Variants in RNF13 observed in about 807,000 individuals in gnomAD.
The protein encoded by RNF13 is E3 ubiquitin-protein ligase RNF13.
RNF13 carries 19 observed loss-of-function variants against 37.7 expected under a neutral mutation model. That is an observed-to-expected ratio of 0.50 (90% CI 0.35 to 0.74). RNF13 has a LOEUF of 0.74. Ranked by LOEUF, RNF13 falls within the 30% of genes least tolerant of loss-of-function variation. RNF13 has a pLI of 0.01. For synonymous variants in RNF13, 144 were observed against 157.8 expected (o/e 0.91, Z 0.65); for missense variants, 375 against 453.0 (o/e 0.83, Z 1.56).
At chr3:149,915,446 G>C (rs1717409249) in intron 7 of RNF13, among the ~76,000 whole-genome samples, 1 of 152,118 alleles carries the variant, frequency 6.6e-6, no homozygotes, top group African/African-American at 2.4e-5. Context: ...AAAGAATACA[G>C]TATGGCAACT....
intron 3 of RNF13, among the ~76,000 whole-genome samples, chr3:149,866,062 T>C (rs1296130193): frequency 6.6e-6 from 1 of 151,774 alleles, no homozygotes; most frequent in African/African-American, 2.4e-5. Flanking sequence ...TTAGACCATA[T>C]AGGGTAATTT....
chr3:149,941,236 A>G (rs1050024040), intron 8 of RNF13, among the ~76,000 whole-genome samples: 7 of 152,096 alleles, frequency 4.6e-5, no homozygotes, highest in Non-Finnish European at 8.8e-5. Flanking sequence ...TTGCTGAATC[A>G]TATTCTAATT....
chr3:149,829,805 A>G (rs946433872), intron 1 of RNF13, among the ~76,000 whole-genome samples: 1 of 152,192 alleles, frequency 6.6e-6, no homozygotes, highest in Non-Finnish European at 1.5e-5. Flanking sequence ...CCCAAATCAC[A>G]TTTCGAATTA....
intron 3 of RNF13, among the ~76,000 whole-genome samples, chr3:149,853,869 C>G (rs1003387962): frequency 7.6e-6 from 1 of 132,084 alleles, no homozygotes; most frequent in Non-Finnish European, 1.6e-5. Context: ...TAGGGTTTCA[C>G]TCTGTTGCCC....
In RNF13 at chr3:149,912,030, A is replaced by G; in HGVS notation, c.553A>G (p.Ile185Val). The change falls in exon 7 of 10, where the codon ATT becomes GTT. Residue 185 changes from isoleucine to valine, a missense_variant. Ile to Val is a conservative substitution (Grantham distance 29). Transcript: ENST00000392894. Reference protein sequence around the residue: ...EFSLPLEYYLIPFLIIVGICL... With the variant: ...EFSLPLEYYLVPFLIIVGICL... ...TAGTCTTCCTTTGGAATACTACCTA[A>G]TTCCCTTCCTTATCATAGTGGGCAT... 6.2e-7 allele frequency: 1 copy of G among 1,602,156 alleles called. No homozygotes were observed. Among genetic ancestry groups the G allele is most frequent in the Non-Finnish European group, 8.5e-7 (1 of 1,170,104 alleles).
At chr3:149,854,115 C>T (rs192482333) in intron 3 of RNF13, among the ~76,000 whole-genome samples, 126 of 152,118 alleles carry the variant, frequency 8.3e-4, no homozygotes, top group Non-Finnish European at 7.8e-4. Context: ...GTATTTCAGG[C>T]ATGAGCCACC....
intron 4 of RNF13, among the ~76,000 whole-genome samples, chr3:149,891,924 GAC>G (rs1332211755): frequency 1.3e-5 from 2 of 152,156 alleles, no homozygotes. Context: ...TAATTTGACT[GAC>G]ACATGAGTTT....
At chr3:149,816,700 A>C (rs558077493) in intron 1 of RNF13, among the ~76,000 whole-genome samples, 2 of 152,338 alleles carry the variant, frequency 1.3e-5, no homozygotes, top group East Asian at 3.9e-4. Flanking sequence ...AGATGGATAC[A>C]GATTATGGAG....
In RNF13 at chr3:149,960,706, ATACTAACTAAAGATG is replaced by A; in HGVS notation, c.782-31_782-17del. ...TAAATATAAAAGTATCAACCGCAGC[ATACTAACTAAAGATG>A]TATATTTTGCTTCAACAGCTTATCA... On this transcript the variant is annotated intron_variant, in intron 9 of 9. Transcript: ENST00000392894. 6.4e-7 allele frequency: 1 copy of A among 1,560,282 alleles called. No homozygotes were observed. The highest frequency in any genetic ancestry group is 8.6e-7 in the Non-Finnish European group (1 of 1,156,388).
chr3:149,844,036 A>G (rs531188123), intron 1 of RNF13, among the ~76,000 whole-genome samples: 1 of 152,332 alleles, frequency 6.6e-6, no homozygotes, highest in Admixed American at 6.5e-5. Flanking sequence ...GGAAAGTCAT[A>G]GTTTTTATTC....
intron 1 of RNF13, among the ~76,000 whole-genome samples, chr3:149,828,233 C>A (rs1720696421): frequency 6.6e-6 from 1 of 152,112 alleles, no homozygotes. Context: ...GTGCAAGTTA[C>A]TATTTTCCTG....
intron 1 of RNF13, among the ~76,000 whole-genome samples, chr3:149,832,880 C>T (rs1177838607): frequency 2.0e-5 from 3 of 152,012 alleles, no homozygotes; most frequent in East Asian, 1.9e-4. Context: ...AAGCAATAAT[C>T]AAAAACATTC....
At chr3:149,941,814 T>C (rs944374564) in intron 8 of RNF13, among the ~76,000 whole-genome samples, 4 of 151,766 alleles carry the variant, frequency 2.6e-5, no homozygotes, top group African/African-American at 7.2e-5. Flanking sequence ...AGTTTAATAG[T>C]TTTAGGCCTT....
In RNF13 at chr3:149,871,376, A is replaced by G. The variant is rs138267935; in HGVS notation, c.196-653A>G. On this transcript the variant is annotated intron_variant, in intron 3 of 9. Coordinates refer to ENST00000392894, the MANE Select transcript of RNF13 (RefSeq NM_183381.3). ...ATTTTCTTATGTCAAACCATCCTGC[A>G]TTCCTGGGAAAGCAACTTGCTGTTT... is the stretch of plus-strand genomic sequence containing the variant. 3.2e-3 allele frequency among the ~76,000 whole-genome samples: 481 copies of G among 150,328 alleles called. 3 individuals are homozygous for G. Among genetic ancestry groups the G allele is most frequent in the Non-Finnish European group, 4.8e-3 (322 of 67,690 alleles).
At chr3:149,932,888 A>C (rs903013023) in intron 8 of RNF13, among the ~76,000 whole-genome samples, 7 of 152,072 alleles carry the variant, frequency 4.6e-5, no homozygotes, top group African/African-American at 1.7e-4. Context: ...CCAACCTTAC[A>C]TTTCCCCTCA....
chr3:149,876,527 A>T (rs984790284), intron 4 of RNF13, among the ~76,000 whole-genome samples: 1 of 152,006 alleles, frequency 6.6e-6, no homozygotes, highest in East Asian at 1.9e-4. Context: ...ACTTTACCTG[A>T]CTTCTGCCTC....
intron 8 of RNF13, among the ~76,000 whole-genome samples, chr3:149,949,244 C>T (rs1012750424): frequency 1.3e-5 from 2 of 152,230 alleles, no homozygotes; most frequent in African/African-American, 4.8e-5. Flanking sequence ...TAAACTCCCT[C>T]AATTTTTATC....
At chr3:149,900,132 T>C (rs1257809246) in intron 5 of RNF13, among the ~76,000 whole-genome samples, 1 of 152,230 alleles carries the variant, frequency 6.6e-6, no homozygotes, top group Non-Finnish European at 1.5e-5. Flanking sequence ...TTCTCCCTTT[T>C]TCTTAATCAT....
intron 6 of RNF13, among the ~76,000 whole-genome samples, chr3:149,911,160 C>T (rs1482771363): frequency 6.6e-6 from 1 of 152,046 alleles, no homozygotes; most frequent in Non-Finnish European, 1.5e-5. Flanking sequence ...GACCTGTATC[C>T]ATTGTACCTG....
Sources: allele counts gnomAD v4.1 joint callset (sites outside exome capture counted in the v4.1 genomes callset), GRCh38; gene constraint gnomAD v4.1.1; transcripts MANE v1.5; gene names NCBI Gene and HGNC (gene_info 2026-07-23, HGNC 2026-07-21).